Variants in CDH4 observed in about 807,000 individuals in gnomAD.
The protein encoded by CDH4 is cadherin 4.
Under a neutral mutation model 86.0 loss-of-function variants are expected in CDH4, and 33 were observed. The observed-to-expected ratio is 0.38, with a 90% CI of 0.29 to 0.51. The LOEUF is 0.51. Ranked by LOEUF, CDH4 falls within the 20% of genes least tolerant of loss-of-function variation. CDH4 has a pLI of 0.86. For missense variants in CDH4, 1,114 were observed against 1,307.4 expected (o/e 0.85, Z 2.28); for synonymous variants, 555 against 549.4 (o/e 1.01, Z -0.14).
At chr20:61,893,702 ATGGATGGGTGAATAGAGGGATGG>A (rs1310613866) in intron 7 of CDH4, among the ~76,000 whole-genome samples, 5 of 148,206 alleles carry the variant, frequency 3.4e-5, no homozygotes, top group Non-Finnish European at 7.4e-5. Flanking sequence ...GGATGGATGG[ATGGATGGGTGAATAGAGGGATGG>A]TGGATGGGTG....
In CDH4 at chr20:61,393,241, T is replaced by C. The variant is rs1490255037; in HGVS notation, c.169+138304T>C. On this transcript the variant is annotated intron_variant, in intron 2 of 15. Transcript: ENST00000614565. The surrounding 1 kb of genome is among the most constrained non-coding windows in gnomAD (Gnocchi z 4.3). ...GCTTCCCTGGGGGTGCAGGACCCAG[T>C]GTTCCCTCCAACAAGAGGCCATCTC... Among the ~76,000 whole-genome samples the C allele has an allele frequency of 2.0e-5, 3 of 152,054 alleles. No homozygotes were observed. Among genetic ancestry groups the C allele is most frequent in the Admixed American group, 1.3e-4 (2 of 15,276 alleles).
Position 61,265,918 on chromosome 20 carries a change from C to G in CDH4, c.169+10981C>G, listed in dbSNP as rs749165150. ...AATTAGGACTCAGAGGGGCAGTGTC[C>G]CTTGTGGGTCCTGAGGTGGGGATTT... On this transcript the variant is annotated intron_variant, in intron 2 of 15. Coordinates refer to ENST00000614565, the MANE Select transcript of CDH4 (RefSeq NM_001794.5). Among the ~76,000 whole-genome samples, 35 of 152,318 alleles carry G rather than the reference C, an allele frequency of 2.3e-4. 1 individual carries two copies. The highest frequency in any genetic ancestry group is 4.4e-4 in the Non-Finnish European group (30 of 68,028).
chr20:61,752,196 G>T (rs970249505), intron 3 of CDH4, among the ~76,000 whole-genome samples: 1 of 152,076 alleles, frequency 6.6e-6, no homozygotes, highest in African/African-American at 2.4e-5. Context: ...GCTAGGCATG[G>T]TGGTGCACAC....
intron 9 of CDH4, among the ~76,000 whole-genome samples, chr20:61,912,333 T>C (rs1056868628): frequency 3.9e-5 from 6 of 152,268 alleles, no homozygotes; most frequent in East Asian, 1.9e-4. Flanking sequence ...GGGAAGAAAA[T>C]AGGCTTTCTC....
chr20:61,884,362 C>T (rs958263027), intron 7 of CDH4, among the ~76,000 whole-genome samples: 1 of 152,216 alleles, frequency 6.6e-6, no homozygotes, highest in East Asian at 1.9e-4. Flanking sequence ...AGCTAAGGGG[C>T]CGGGTCCCTG....
chr20:61,862,927 A>G (rs1039925678), intron 6 of CDH4, among the ~76,000 whole-genome samples: 1 of 152,274 alleles, frequency 6.6e-6, no homozygotes, highest in South Asian at 2.1e-4. Context: ...AGATTATTCT[A>G]TTAGTGGGCC....
At chr20:61,420,738 G>A (rs2085172962) in intron 2 of CDH4, among the ~76,000 whole-genome samples, 2 of 152,274 alleles carry the variant, frequency 1.3e-5, no homozygotes, top group African/African-American at 4.8e-5. Flanking sequence ...TGAATAGGGT[G>A]TGGCATGTCC....
chr20:61,336,276 G>A (rs760788243), intron 2 of CDH4, among the ~76,000 whole-genome samples: 6 of 152,102 alleles, frequency 3.9e-5, no homozygotes, highest in Non-Finnish European at 7.4e-5. Flanking sequence ...GGGATATTTT[G>A]AAGGTTAAAT....
chr20:61,524,658 T>C (rs1242671648), intron 2 of CDH4, among the ~76,000 whole-genome samples: 1 of 152,110 alleles, frequency 6.6e-6, no homozygotes, highest in African/African-American at 2.4e-5. Context: ...CTAATTTCTG[T>C]ATTTTTTGTA....
chr20:61,864,848 T>C (rs1162481784), intron 6 of CDH4, among the ~76,000 whole-genome samples: 1 of 152,160 alleles, frequency 6.6e-6, no homozygotes, highest in African/African-American at 2.4e-5. Context: ...GCAGCAGTTG[T>C]CCTGTTGCCC....
chr20:61,374,387 A>G (rs1327712938), intron 2 of CDH4, among the ~76,000 whole-genome samples: 2 of 152,142 alleles, frequency 1.3e-5, no homozygotes, highest in African/African-American at 2.4e-5. Flanking sequence ...ATGTCGTGGC[A>G]TCCCCTGGGA....
At chr20:61,342,960 G>A (rs1254812576) in intron 2 of CDH4, among the ~76,000 whole-genome samples, 1 of 152,246 alleles carries the variant, frequency 6.6e-6, no homozygotes, top group Non-Finnish European at 1.5e-5. Flanking sequence ...ATGAGCAACT[G>A]AAGCCTCTTG....
intron 4 of CDH4, among the ~76,000 whole-genome samples, chr20:61,781,547 T>C (rs1600981405): frequency 6.6e-6 from 1 of 151,792 alleles, no homozygotes; most frequent in East Asian, 1.9e-4. Context: ...GGAGAAAGGG[T>C]CAGCGCATTT....
chr20:61,898,210 G>T (rs971914085), intron 8 of CDH4, among the ~76,000 whole-genome samples: 1 of 152,250 alleles, frequency 6.6e-6, no homozygotes, highest in African/African-American at 2.4e-5. Context: ...CCACACTGCC[G>T]CACATGCCGC....
rs532724781 is a variant in CDH4 at position 61,544,956 on chromosome 20, G to A, written c.170-198607G>A. ...AGTAATTAGATATCCAGGTAGACAA[G>A]TAGGGTGACTAGCAAATGACCCTTG... On this transcript the variant is annotated intron_variant, in intron 2 of 15. Transcript: ENST00000614565. The surrounding 1 kb of genome is among the most constrained non-coding windows in gnomAD (Gnocchi z 6.5). Among the ~76,000 whole-genome samples the A allele has an allele frequency of 2.6e-5, 4 of 152,314 alleles. No homozygotes were observed. The East Asian group carries it at 7.7e-4, about 29-fold the overall frequency.
chr20:61,841,679 A>G (rs1300803229), intron 4 of CDH4, among the ~76,000 whole-genome samples: 1 of 145,852 alleles, frequency 6.9e-6, no homozygotes, highest in Non-Finnish European at 1.5e-5. Flanking sequence ...TGATCATGGG[A>G]AAGTAAGGAG....
chr20:61,382,094 T>A (rs80186073), intron 2 of CDH4, among the ~76,000 whole-genome samples: 37,330 of 128,276 alleles, frequency 0.29, 4,963 homozygotes, highest in African/African-American at 0.43. Flanking sequence ...AAAATAAAAA[T>A]AATTAAAATA....
chr20:61,483,621 G>T (rs2085579761), intron 2 of CDH4, among the ~76,000 whole-genome samples: 1 of 152,064 alleles, frequency 6.6e-6, no homozygotes, highest in Non-Finnish European at 1.5e-5. Flanking sequence ...TGTGGTTGGA[G>T]CCTGAGACTG....
chr20:61,714,021 TTTTTATTTTA>T lies in CDH4; in HGVS notation c.170-29508_170-29499del, dbSNP rs373689820. On this transcript the variant is annotated intron_variant, in intron 2 of 15. Coordinates refer to ENST00000614565, the MANE Select transcript of CDH4 (RefSeq NM_001794.5). ...CTGTCTTAGTCCATTGTCTATTCTT[TTTTTATTTTA>T]TTTTATTTTATTTTATTTTATTTTA... is the stretch of plus-strand genomic sequence containing the variant. 2.5e-3 allele frequency among the ~76,000 whole-genome samples: 346 copies of T among 135,980 alleles called. 4 individuals are homozygous for T. The highest frequency in any genetic ancestry group is 6.8e-3 in the African/African-American group (230 of 33,778). 89.2% of individuals were successfully genotyped at this position (135,980 alleles called of 152,430 possible).
Sources: allele counts gnomAD v4.1 joint callset (sites outside exome capture counted in the v4.1 genomes callset), GRCh38; gene constraint gnomAD v4.1.1; non-coding constraint Gnocchi (gnomAD v3.1); transcripts MANE v1.5; gene names NCBI Gene and HGNC (gene_info 2026-07-23, HGNC 2026-07-21).